Variants in UMPS observed in about 807,000 individuals in gnomAD.
The protein encoded by UMPS is uridine monophosphate synthetase.
Under a neutral mutation model 38.9 loss-of-function variants are expected in UMPS, and 21 were observed. That is an observed-to-expected ratio of 0.54 (90% CI 0.38 to 0.78). The LOEUF (loss-of-function observed/expected upper bound fraction) is 0.78. Among genes scored for constraint, UMPS ranks in the 30% least tolerant of loss-of-function variants. The pLI, the probability that UMPS is intolerant of heterozygous loss-of-function variation, is 0.00. For synonymous variants in UMPS, 208 were observed against 219.3 expected, an observed-to-expected ratio of 0.95 and a Z score of 0.45; for missense variants, 533 against 591.6, an observed-to-expected ratio of 0.90 and a Z score of 1.03.
At position 124,745,805 on chromosome 3, in the gene UMPS, C is replaced by T. The variant is rs1271849321; in HGVS notation, c.*1721C>T. On this transcript the variant is annotated 3_prime_UTR_variant, in exon 6 of 6. Coordinates refer to ENST00000232607, the MANE Select transcript of UMPS (RefSeq NM_000373.4). ...AGTGTTGGAGTGATATGTTGAGAGGCCTTTGGAGTGATGTGCTGAGGTCTC... is the reference window on the plus strand; with the variant it reads ...AGTGTTGGAGTGATATGTTGAGAGGTCTTTGGAGTGATGTGCTGAGGTCTC... The T allele has an allele frequency of 8.8e-6, 4 of 454,000 alleles. No individual in the cohort carries two copies. The highest frequency in any genetic ancestry group is 4.7e-5 in the South Asian group (3 of 64,468). 28.1% of individuals were successfully genotyped at this position (454,000 alleles called of 1,614,324 possible). A position where few individuals can be genotyped will look rare whatever the true frequency, so the allele number is the denominator to read the frequency against.
chr3:124,730,754 C>G (rs1156437466), intron 1 of UMPS, 127 bp downstream of exon 1: 2 of 1,144,262 alleles, frequency 1.7e-6, no homozygotes, highest in Admixed American at 2.6e-5. Flanking sequence ...CGACCCTACT[C>G]TTGGTTTGGG....
In UMPS at chr3:124,744,011, C is replaced by T. The variant is rs1160044724; in HGVS notation, c.1370C>T (p.Ala457Val). The change falls in exon 6 of 6, where the codon GCT becomes GTT. Residue 457 changes from alanine (A) to valine (V), a missense_variant. Transcript: ENST00000232607. ...GTAGGTCGTGGCATAATCTCAGCAG[C>T]TGATCGTCTGGAAGCAGCAGAGATG... ...IIVGRGIISA[A>V]DRLEAAEMYR... 3 of 1,614,108 alleles carry T rather than the reference C, an allele frequency of 1.9e-6. No individual in the cohort carries two copies. Among genetic ancestry groups the T allele is most frequent in the East Asian group, 2.2e-5 (1 of 44,898 alleles).
rs759317231 is a variant in UMPS, at chr3:124,735,073, A to T, written c.157-20A>T. The T allele has an allele frequency of 1.2e-6, 2 of 1,607,402 alleles. No individual in the cohort carries two copies. Among genetic ancestry groups the T allele is most frequent in the East Asian group, 2.2e-5 (1 of 44,830 alleles). On this transcript the variant is annotated intron_variant, in intron 1 of 5. Transcript: ENST00000232607. Reference sequence around the variant, plus strand: ...AAATAGTTACAATAAAACATTGTTTATGTGTTCATTTTCTTACAGGTTGCA... The same window carrying T: ...AAATAGTTACAATAAAACATTGTTTTTGTGTTCATTTTCTTACAGGTTGCA...
At chr3:124,742,341 A>G (rs1466927898) in intron 5 of UMPS, 75 bp downstream of exon 5, 1 of 1,052,630 alleles carries the variant, frequency 9.5e-7, no homozygotes. Flanking sequence ...AACTTTGCAT[A>G]TTATTATACA....
At chr3:124,732,026 C>G (rs1304977798) in intron 1 of UMPS, among the ~76,000 whole-genome samples, 1 of 152,174 alleles carries the variant, frequency 6.6e-6, no homozygotes, top group East Asian at 1.9e-4. Flanking sequence ...TCTCAAACTC[C>G]TGGCCTCAAA....
Position 124,745,781 on chromosome 3 carries a change from G to A in UMPS, c.*1697G>A, listed in dbSNP as rs1222142438. 2 of 454,102 alleles carry A rather than the reference G, an allele frequency of 4.4e-6. No homozygotes were observed. The highest frequency in any genetic ancestry group is 7.0e-5 in the East Asian group (1 of 14,388). 28.1% of individuals were successfully genotyped at this position (454,102 alleles called of 1,614,324 possible). On this transcript the variant is annotated 3_prime_UTR_variant, in exon 6 of 6. Coordinates refer to ENST00000232607, the MANE Select transcript of UMPS (RefSeq NM_000373.4). ...TGCAGGAATCTCTTAGGTGTCTTCA[G>A]TGTTGGAGTGATATGTTGAGAGGCC...
Position 124,746,650 on chromosome 3 carries a change from T to A in UMPS, c.*2566T>A. On this transcript the variant is annotated 3_prime_UTR_variant, in exon 6 of 6. Coordinates refer to ENST00000232607, the MANE Select transcript of UMPS (RefSeq NM_000373.4). Reference sequence around the variant, plus strand: ...TAGTGGGGAATATAGGGACCCCATGTCTCCATGGGGTGCACAGAATGTCTG... The same window carrying A: ...TAGTGGGGAATATAGGGACCCCATGACTCCATGGGGTGCACAGAATGTCTG... 2.2e-6 allele frequency: 1 copy of A among 454,040 alleles called. No homozygotes were observed. Among genetic ancestry groups the A allele is most frequent in the South Asian group, 1.6e-5 (1 of 64,472 alleles). The allele number at this position is 454,040 out of a possible 1,614,324, so 28.1% of individuals were successfully genotyped here.
At position 124,745,855 on chromosome 3, in the gene UMPS, C is replaced by T. The variant is rs1326411946; in HGVS notation, c.*1771C>T. The T allele has an allele frequency of 6.6e-6, 3 of 454,004 alleles. No individual in the cohort carries two copies. The Admixed American group carries it at 7.0e-5, about 11-fold the overall frequency. 28.1% of individuals were successfully genotyped at this position (454,004 alleles called of 1,614,324 possible). On this transcript the variant is annotated 3_prime_UTR_variant, in exon 6 of 6. Transcript: ENST00000232607. ...CAGGCGCCCACCTCCCTGGCTGTCACTTCCATGTGTCAGTGGTTCTCCCAC... is the reference window on the plus strand; with the variant it reads ...CAGGCGCCCACCTCCCTGGCTGTCATTTCCATGTGTCAGTGGTTCTCCCAC...
Position 124,742,255 on chromosome 3 carries a change from T to C in UMPS, c.1262T>C (p.Leu421Ser), listed in dbSNP as rs770492945. 10 of 1,613,510 alleles carry C rather than the reference T, an allele frequency of 6.2e-6. No homozygotes were observed. Among genetic ancestry groups the C allele is most frequent in the Non-Finnish European group, 8.5e-6 (10 of 1,179,432 alleles). Residue 421 changes from leucine to serine, a missense_variant, in exon 5 of 6, where the codon TTG becomes TCG. Physicochemically the swap from Leu to Ser is moderately radical, Grantham distance 145 (BLOSUM62 -2). Transcript: ENST00000232607. Reference protein sequence around the residue: ...EFLHLTPGVQLEAGGDNLGQQ... With the variant: ...EFLHLTPGVQSEAGGDNLGQQ... ...CTTCACTTGACTCCAGGAGTTCAGT[T>C]GGAAGCAGGAGGTAAATCTGGTCAC... is the stretch of plus-strand genomic sequence containing the variant.
intron 4 of UMPS, 132 bp downstream of exon 4, chr3:124,740,331 A>G: frequency 3.6e-6 from 3 of 825,168 alleles, no homozygotes; most frequent in South Asian, 1.9e-5. Context: ...GTGTGACAGT[A>G]TATTAATACT....
At chr3:124,736,190 G>C (rs916062957) in intron 2 of UMPS, among the ~76,000 whole-genome samples, 1 of 152,154 alleles carries the variant, frequency 6.6e-6, no homozygotes, top group Non-Finnish European at 1.5e-5. Context: ...TTGAGCCCAG[G>C]AGCTGAAGGT....
In UMPS at chr3:124,744,416, A is replaced by G. The variant is rs535252702; in HGVS notation, c.*332A>G. 4 of 459,308 alleles carry G rather than the reference A, an allele frequency of 8.7e-6. No individual in the cohort carries two copies. Among genetic ancestry groups the G allele is most frequent in the South Asian group, 6.2e-5 (4 of 64,462 alleles). The allele number at this position is 459,308 out of a possible 1,614,324, so 28.5% of individuals were successfully genotyped here. On this transcript the variant is annotated 3_prime_UTR_variant, in exon 6 of 6. Transcript: ENST00000232607. ...ACTAGACTGCTTTGTTATTCTATTT[A>G]TTTTTTAATTTTTTTCGAGACAGGA...
At position 124,744,397 on chromosome 3, in the gene UMPS, C is replaced by G. The variant is rs774873141; in HGVS notation, c.*313C>G. 2 of 481,406 alleles carry G rather than the reference C, an allele frequency of 4.2e-6. No individual in the cohort carries two copies. The highest frequency in any genetic ancestry group is 4.1e-6 in the Non-Finnish European group (1 of 245,168). The allele number at this position is 481,406 out of a possible 1,614,324, so 29.8% of individuals were successfully genotyped here. ...CTTCCTATCTCTCCATGGGACTAGA[C>G]TGCTTTGTTATTCTATTTATTTTTT... is the stretch of plus-strand genomic sequence containing the variant. On this transcript the variant is annotated 3_prime_UTR_variant, in exon 6 of 6. Transcript: ENST00000232607.
chr3:124,736,879 A>G (rs1195181526), intron 2 of UMPS, among the ~76,000 whole-genome samples: 1 of 152,242 alleles, frequency 6.6e-6, no homozygotes. Context: ...TGGGTAGAGA[A>G]GTATATATTT....
At chr3:124,739,707 A>G (rs186158825) in intron 3 of UMPS, among the ~76,000 whole-genome samples, 12 of 152,322 alleles carry the variant, frequency 7.9e-5, no homozygotes, top group Admixed American at 5.2e-4. Flanking sequence ...TTCTAATAGC[A>G]TGAGCTTTAT....
chr3:124,732,508 CAA>C (rs966065485), intron 1 of UMPS: 1 of 154,796 alleles, frequency 6.5e-6, no homozygotes, highest in Non-Finnish European at 1.5e-5. Flanking sequence ...GCATTTCTAA[CAA>C]AGTGCCAGCT....
At chr3:124,740,227 G>C (rs199743905) in intron 4 of UMPS, 28 bp downstream of exon 4, 14 of 1,584,812 alleles carry the variant, frequency 8.8e-6, no homozygotes, top group African/African-American at 1.4e-5. Flanking sequence ...TGGGTGAGAG[G>C]GGGCAGGGGC....
In UMPS at chr3:124,748,315, A is replaced by T. The variant is rs886057895; in HGVS notation, c.*4231A>T. On this transcript the variant is annotated 3_prime_UTR_variant, in exon 6 of 6. Transcript: ENST00000232607. ...TTTGGATTACAGGATGTAGAATGCC[A>T]TATTTTTCTTAGATCATAGGGCCTT... The T allele has an allele frequency of 2.2e-6, 1 of 453,980 alleles. No individual in the cohort carries two copies. The highest frequency in any genetic ancestry group is 6.9e-5 in the East Asian group (1 of 14,396). 28.1% of individuals were successfully genotyped at this position (453,980 alleles called of 1,614,324 possible).
rs1454739661 is a variant in UMPS at position 124,746,148 on chromosome 3, C to T, written c.*2064C>T. ...CTCCTGTCCTTTAGAAATGTGGGCTCCTGCCATCTCCAGGACGCAGGCACT... is the reference window on the plus strand; with the variant it reads ...CTCCTGTCCTTTAGAAATGTGGGCTTCTGCCATCTCCAGGACGCAGGCACT... On this transcript the variant is annotated 3_prime_UTR_variant, in exon 6 of 6. Coordinates refer to ENST00000232607, the MANE Select transcript of UMPS (RefSeq NM_000373.4). 5 of 453,854 alleles carry T rather than the reference C, an allele frequency of 1.1e-5. No homozygotes were observed. Among genetic ancestry groups the T allele is most frequent in the South Asian group, 3.1e-5 (2 of 64,486 alleles). 28.1% of individuals were successfully genotyped at this position (453,854 alleles called of 1,614,324 possible).
Sources: gnomAD v4.1 joint callset for allele counts (sites outside exome capture counted in the v4.1 genomes callset) on GRCh38, gnomAD v4.1.1 for gene constraint, MANE v1.5 for transcripts, NCBI Gene and HGNC (gene_info 2026-07-23, HGNC 2026-07-21) for gene names.